Variants in VSIG4 observed in about 807,000 individuals in gnomAD.
VSIG4 encodes V-set and immunoglobulin domain containing 4.
VSIG4 carries 34 observed loss-of-function variants against 23.4 expected under a neutral mutation model. The ratio of observed to expected loss-of-function variants is 1.45; its 90% CI spans 1.10 to 1.93. VSIG4 has a LOEUF of 1.93. Among genes scored for constraint, VSIG4 ranks in the 30% most tolerant of loss-of-function variants. The pLI, the probability that VSIG4 is intolerant of heterozygous loss-of-function variation, is 0.00. For missense variants in VSIG4, 433 were observed against 310.8 expected, an observed-to-expected ratio of 1.39 and a Z score of -2.96; for synonymous variants, 169 against 120.3, an observed-to-expected ratio of 1.41 and a Z score of -2.65.
At chrX:66,036,298 G>GA (rs2085539123) in intron 1 of VSIG4, among the ~76,000 whole-genome samples, 3 of 109,133 alleles carry the variant, frequency 2.7e-5, no homozygotes, top group Non-Finnish European at 3.8e-5. Flanking sequence ...GACATCACAA[G>GA]AAAAATGACA....
chrX:66,035,144 T>G (rs1474920072), intron 1 of VSIG4, among the ~76,000 whole-genome samples: 1 of 110,815 alleles, frequency 9.0e-6, no homozygotes, highest in Admixed American at 9.6e-5. Flanking sequence ...CAGGGACCCT[T>G]AGAACATCAA....
At chrX:66,027,823 G>A (rs1160061721) in intron 4 of VSIG4, among the ~76,000 whole-genome samples, 3 of 112,161 alleles carry the variant, frequency 2.7e-5, no homozygotes, top group Non-Finnish European at 5.6e-5. Flanking sequence ...TTTCCAATGG[G>A]AGTAATTCTA....
Position 66,040,051 on chromosome X carries a change from CT to C in VSIG4, c.-54del. 1 of 1,181,533 alleles carries C rather than the reference CT, an allele frequency of 8.5e-7. No individual in the cohort carries two copies. Among genetic ancestry groups the C allele is most frequent in the Non-Finnish European group, 1.2e-6 (1 of 869,420 alleles). ...TTCCAGCCTCCTGCTACCAAAGAGG[CT>C]CAAACTTCTGGTGGCCGCCAGCGTC... On this transcript the variant is annotated 5_prime_UTR_variant, in exon 1 of 8. Coordinates refer to ENST00000374737, the MANE Select transcript of VSIG4 (RefSeq NM_007268.3).
intron 1 of VSIG4, 53 bp downstream of exon 1, chrX:66,039,891 C>T: frequency 8.4e-7 from 1 of 1,195,519 alleles, no homozygotes. Context: ...CACCAACCCT[C>T]TAGCCTTTTG....
At chrX:66,028,475 C>A (rs1277506811) in intron 3 of VSIG4, among the ~76,000 whole-genome samples, 1 of 107,571 alleles carries the variant, frequency 9.3e-6, no homozygotes, top group Non-Finnish European at 1.9e-5. Flanking sequence ...TGGGTGACAT[C>A]AGTGAAAATG....
At chrX:66,030,880 G>C (rs1248150916) in intron 3 of VSIG4, among the ~76,000 whole-genome samples, 2 of 111,272 alleles carry the variant, frequency 1.8e-5, no homozygotes, top group African/African-American at 6.6e-5. Flanking sequence ...AGCAAAAGCA[G>C]GGCCTCCAGA....
At chrX:66,029,114 G>A (rs1349442379) in intron 3 of VSIG4, among the ~76,000 whole-genome samples, 2 of 111,406 alleles carry the variant, frequency 1.8e-5, no homozygotes, top group Admixed American at 9.5e-5. Context: ...CTTGCTAGCA[G>A]AGGAAACAGC....
intron 3 of VSIG4, among the ~76,000 whole-genome samples, chrX:66,031,762 G>A (rs909331336): frequency 1.8e-5 from 2 of 111,429 alleles, no homozygotes; most frequent in South Asian, 7.5e-4. Context: ...TGCATAGTTT[G>A]TAGTGCTCCC....
intron 2 of VSIG4, among the ~76,000 whole-genome samples, chrX:66,033,093 C>G (rs2085484608): frequency 9.0e-6 from 1 of 111,363 alleles, no homozygotes; most frequent in Non-Finnish European, 1.9e-5. Flanking sequence ...GTCCAGCAAG[C>G]AAACTTATCC....
intron 7 of VSIG4, 67 bp downstream of exon 7, chrX:66,022,774 T>C: frequency 8.3e-7 from 1 of 1,209,946 alleles, no homozygotes; most frequent in Admixed American, 2.2e-5. Flanking sequence ...TCCTCCACAT[T>C]TCCTGCCAGT....
chrX:66,031,255 A>G (rs1355272501), intron 3 of VSIG4, among the ~76,000 whole-genome samples: 2 of 111,041 alleles, frequency 1.8e-5, no homozygotes, highest in Non-Finnish European at 3.8e-5. Flanking sequence ...ATGTTCAATT[A>G]GTCTCTTTAT....
Position 66,021,999 on chromosome X carries a change from C to A in VSIG4, c.*264G>T. 9.2e-7 allele frequency: 1 copy of A among 1,082,672 alleles called. No homozygotes were observed. The highest frequency in any genetic ancestry group is 1.2e-6 in the Non-Finnish European group (1 of 803,272). The allele number at this position is 1,082,672 out of a possible 1,213,427, so 89.2% of individuals were successfully genotyped here. ...GATGACCAAGTCCTAGTGCTATGGG[C>A]ATCTTCCCTCTGGTATTTAGAGAGG... On this transcript the variant is annotated 3_prime_UTR_variant, in exon 8 of 8. Coordinates refer to ENST00000374737, the MANE Select transcript of VSIG4 (RefSeq NM_007268.3).
chrX:66,022,363 T>C lies in VSIG4; in HGVS notation c.1100A>G (p.Tyr367Cys). ...GCCATTGATCTGGGCGATGATCTGG[T>C]ACTCCTGTCCTATGCAGGGCTCATC... is the stretch of plus-strand genomic sequence containing the variant. ...YSDEPCIGQE[Y>C]QIIAQINGNY... Residue 367 changes from tyrosine (Y) to cysteine (C), a missense_variant, in exon 8 of 8, where the codon TAC (tyrosine) becomes TGC (cysteine). Transcript: ENST00000374737. The C allele has an allele frequency of 1.6e-6, 2 of 1,212,255 alleles. No individual in the cohort carries two copies. Among genetic ancestry groups the C allele is most frequent in the Admixed American group, 2.2e-5 (1 of 46,143 alleles).
chrX:66,023,973 C>T (rs2085361649), intron 6 of VSIG4, among the ~76,000 whole-genome samples: 3 of 112,335 alleles, frequency 2.7e-5, no homozygotes, highest in African/African-American at 9.7e-5. Context: ...CAAGTTCAGC[C>T]TCATGGTGAT....
intron 3 of VSIG4, 52 bp downstream of exon 3, chrX:66,032,415 CT>C: frequency 8.6e-7 from 1 of 1,166,732 alleles, no homozygotes; most frequent in Non-Finnish European, 1.1e-6. Flanking sequence ...TTTGAGGTAT[CT>C]TTGTTTCAAG....
chrX:66,036,017 C>T, intron 1 of VSIG4, among the ~76,000 whole-genome samples: 1 of 111,900 alleles, frequency 8.9e-6, no homozygotes, highest in Middle Eastern at 4.6e-3. Flanking sequence ...CTCAATTTCT[C>T]AGTTTTGAAA....
Position 66,032,766 on chromosome X carries a change from A to G in VSIG4, c.413-17T>C. The G allele has an allele frequency of 1.5e-5, 18 of 1,204,509 alleles. No homozygotes were observed. Among genetic ancestry groups the G allele is most frequent in the Non-Finnish European group, 1.9e-5 (17 of 891,789 alleles). ...AGACAGAGACTGCAAAGAAAAGACA[A>G]GACAGGAAACTCTGGGCAGTCATAA... On this transcript the variant is annotated splice_polypyrimidine_tract_variant and intron_variant, in intron 2 of 7. Coordinates refer to ENST00000374737, the MANE Select transcript of VSIG4 (RefSeq NM_007268.3).
At chrX:66,026,599 G>A (rs1052817074) in intron 5 of VSIG4, among the ~76,000 whole-genome samples, 5 of 111,489 alleles carry the variant, frequency 4.5e-5, no homozygotes, top group Non-Finnish European at 9.4e-5. Context: ...TGCTGCCAAG[G>A]GATAGCCAAA....
At chrX:66,039,205 G>T (rs2085655193) in intron 1 of VSIG4, among the ~76,000 whole-genome samples, 1 of 111,988 alleles carries the variant, frequency 8.9e-6, no homozygotes, top group Non-Finnish European at 1.9e-5. Flanking sequence ...AAAAAGCTGG[G>T]GCTGTTCAGC....
Sources: allele counts gnomAD v4.1 joint callset (sites outside exome capture counted in the v4.1 genomes callset), GRCh38; gene constraint gnomAD v4.1.1; transcripts MANE v1.5; gene names NCBI Gene and HGNC (gene_info 2026-07-23, HGNC 2026-07-21).